PHF2: variants seen among roughly 807,000 people sequenced by gnomAD.
PHF2 encodes PHD finger protein 2.
Under a neutral mutation model 120.5 loss-of-function variants are expected in PHF2, and 27 were observed. That is an observed-to-expected ratio of 0.22 (90% CI 0.17 to 0.31). The LOEUF (loss-of-function observed/expected upper bound fraction) is 0.31. PHF2 is among the 10% of genes least tolerant of loss of function. The pLI, the probability that PHF2 is intolerant of heterozygous loss-of-function variation, is 1.00. For missense variants in PHF2, 1,024 were observed against 1,434.8 expected, an observed-to-expected ratio of 0.71 and a Z score of 4.63; for synonymous variants, 568 against 592.5, an observed-to-expected ratio of 0.96 and a Z score of 0.60.
chr9:93,616,512 C>T (rs2131633942), intron 1 of PHF2, among the ~76,000 whole-genome samples: 1 of 152,306 alleles, frequency 6.6e-6, no homozygotes, highest in African/African-American at 2.4e-5. Context: ...CTGACACCAA[C>T]TGAGCTCCGA....
At chr9:93,675,982 G>T (rs549666784) in intron 20 of PHF2, among the ~76,000 whole-genome samples, 193 bp downstream of exon 20, 6 of 152,206 alleles carry the variant, frequency 3.9e-5, no homozygotes, top group Admixed American at 3.9e-4. Flanking sequence ...TGTGGGGTCC[G>T]GGGGAGCTAG....
At position 93,576,878 on chromosome 9, in the gene PHF2, G is replaced by T; in HGVS notation, c.98+7G>T. 8.3e-7 allele frequency: 1 copy of T among 1,206,552 alleles called. No homozygotes were observed. The highest frequency in any genetic ancestry group is 1.1e-6 in the Non-Finnish European group (1 of 934,266). 74.7% of individuals were successfully genotyped at this position (1,206,552 alleles called of 1,614,324 possible). On this transcript the variant is annotated splice_region_variant and intron_variant, in intron 1 of 21. Transcript: ENST00000359246. ...AGGACTGGTTCCACGGCAGGTGAGCGCGCGGCGGCTGCTCGGCTCGGCCCG... is the reference window on the plus strand; with the variant it reads ...AGGACTGGTTCCACGGCAGGTGAGCTCGCGGCGGCTGCTCGGCTCGGCCCG...
At position 93,671,033 on chromosome 9, in the gene PHF2, A is replaced by G. The variant is rs1218023385; in HGVS notation, c.2349-2552A>G. On this transcript the variant is annotated intron_variant, in intron 17 of 21. Transcript: ENST00000359246. ...TGCAGGTCTATGTTCAGGTGGGTGC[A>G]GGTGTGGGGGTAGGTGCAGGTGTAG... The G allele has an allele frequency of 4.2e-6, 4 of 956,578 alleles. No homozygotes were observed. The East Asian group carries it at 4.0e-4, about 96-fold the overall frequency. 59.3% of individuals were successfully genotyped at this position (956,578 alleles called of 1,614,324 possible).
intron 1 of PHF2, among the ~76,000 whole-genome samples, chr9:93,591,829 C>G (rs964681500): frequency 1.3e-5 from 2 of 152,224 alleles, no homozygotes; most frequent in African/African-American, 2.4e-5. Flanking sequence ...CAGTGCCCCA[C>G]AGGGACCTCA....
At chr9:93,646,414 C>G (rs1826261405) in intron 4 of PHF2, among the ~76,000 whole-genome samples, 1 of 152,204 alleles carries the variant, frequency 6.6e-6, no homozygotes, top group Non-Finnish European at 1.5e-5. Context: ...GGCCACATGG[C>G]CAAGCATGGA....
intron 20 of PHF2, among the ~76,000 whole-genome samples, chr9:93,676,081 T>C (rs1223795044): frequency 6.6e-6 from 1 of 152,056 alleles, no homozygotes; most frequent in Non-Finnish European, 1.5e-5. Context: ...TGGAGGGAGC[T>C]CCCCTTCCCC....
At chr9:93,650,060 C>A (rs1826339219) in intron 5 of PHF2, among the ~76,000 whole-genome samples, 1 of 145,938 alleles carries the variant, frequency 6.9e-6, no homozygotes, top group South Asian at 2.2e-4. Context: ...CACCGACACT[C>A]ACCCATGGAC....
chr9:93,658,210 G>T lies in PHF2; in HGVS notation c.1213G>T (p.Ala405Ser). The T allele has an allele frequency of 1.2e-6, 2 of 1,612,878 alleles. No individual in the cohort carries two copies. The highest frequency in any genetic ancestry group is 1.7e-5 in the Admixed American group (1 of 59,926). The change falls in exon 10 of 22, where the codon GCT becomes TCT. Residue 405 changes from alanine (A) to serine (S), a missense_variant. This residue lies in a region of PHF2 where 347 missense variants were observed against 577.4 expected (regional missense o/e 0.60). Coordinates refer to ENST00000359246, the MANE Select transcript of PHF2 (RefSeq NM_005392.4). ...LVQGAKILNG[A>S]FRSWTKKQAL... ...CCAAGGAGCTAAAATTCTCAATGGT[G>T]CTTTCCGATCGTGGACGAAGAAGCA... is the stretch of plus-strand genomic sequence containing the variant.
At chr9:93,623,638 C>T (rs1190262701) in intron 1 of PHF2, among the ~76,000 whole-genome samples, 1 of 152,148 alleles carries the variant, frequency 6.6e-6, no homozygotes, top group East Asian at 1.9e-4. Flanking sequence ...TCCAATTTTT[C>T]TTTGTTTCAT....
intron 19 of PHF2, 53 bp from the exon 20 acceptor site, chr9:93,675,627 G>T: frequency 7.1e-7 from 1 of 1,407,662 alleles, no homozygotes; most frequent in Non-Finnish European, 1.0e-6. Flanking sequence ...AACCAGGAGG[G>T]GTGGACAGGC....
At chr9:93,653,511 C>G in intron 6 of PHF2, 146 bp downstream of exon 6, 1 of 752,518 alleles carries the variant, frequency 1.3e-6, no homozygotes, top group Non-Finnish European at 2.1e-6. Context: ...CAGGAGGCCT[C>G]TGGAGACATC....
intron 1 of PHF2, among the ~76,000 whole-genome samples, chr9:93,596,386 A>T (rs1438462542): frequency 6.6e-6 from 1 of 152,060 alleles, no homozygotes; most frequent in Non-Finnish European, 1.5e-5. Flanking sequence ...GGAATGAAGG[A>T]GTGCTTGAAT....
intron 19 of PHF2, among the ~76,000 whole-genome samples, chr9:93,675,439 ACT>A (rs1220337036): frequency 6.6e-6 from 1 of 151,934 alleles, no homozygotes; most frequent in Non-Finnish European, 1.5e-5. Context: ...GCCTGCCCAG[ACT>A]CTGATGTTGC....
chr9:93,660,699 T>A, intron 12 of PHF2, 139 bp downstream of exon 12: 1 of 777,864 alleles, frequency 1.3e-6, no homozygotes. Flanking sequence ...GGGTCTGGGC[T>A]CTTGCTGTGG....
intron 1 of PHF2, among the ~76,000 whole-genome samples, chr9:93,577,121 C>T (rs1354349683): frequency 6.7e-6 from 1 of 148,716 alleles, no homozygotes; most frequent in Non-Finnish European, 1.5e-5. Flanking sequence ...AAGCGAGGCC[C>T]GCGGGCCGGG....
Position 93,653,384 on chromosome 9 carries a change from G to A in PHF2, c.789+19G>A. The A allele has an allele frequency of 6.2e-7, 1 of 1,611,074 alleles. No homozygotes were observed. The highest frequency in any genetic ancestry group is 8.5e-7 in the Non-Finnish European group (1 of 1,178,804). On this transcript the variant is annotated intron_variant, in intron 6 of 21. Coordinates refer to ENST00000359246, the MANE Select transcript of PHF2 (RefSeq NM_005392.4). The stretch of plus-strand genomic sequence containing the variant: ...GCTCAAGGTGAGCCACGCCCCTCGG[G>A]GCACCTCTGCCTTGCCATGGCCATG...
intron 17 of PHF2, chr9:93,670,882 G>T: frequency 1.8e-6 from 1 of 562,464 alleles, no homozygotes; most frequent in Non-Finnish European, 2.2e-6. Flanking sequence ...GCCACCTGAA[G>T]CTGAGGGCAG....
At position 93,662,957 on chromosome 9, in the gene PHF2, G is replaced by C. The variant is rs766783691; in HGVS notation, c.1749G>C (p.Gln583His). The C allele has an allele frequency of 4.3e-6, 7 of 1,614,114 alleles. No individual in the cohort carries two copies. In the Admixed American group the frequency reaches 8.3e-5, roughly 19 times the overall value. Residue 583 changes from glutamine (Q) to histidine (H), a missense_variant, in exon 13 of 22, where the codon CAG (glutamine) becomes CAC (histidine). By Grantham distance (24) the Gln-to-His change is conservative (BLOSUM62 0). This residue lies in a region of PHF2 where 677 missense variants were observed against 857.4 expected (regional missense o/e 0.79). Transcript: ENST00000359246. The stretch of plus-strand genomic sequence containing the variant: ...CCAACAAAGATGTGGTTCACATGCA[G>C]AATGATGTGGAGAGGCTGGAAATTC... ...SVPNKDVVHM[Q>H]NDVERLEIRE...
chr9:93,599,698 C>T (rs564066156), intron 1 of PHF2, among the ~76,000 whole-genome samples: 40 of 152,332 alleles, frequency 2.6e-4, no homozygotes, highest in African/African-American at 8.4e-4. Context: ...CATGCCACCA[C>T]GAGGGCTGAT....
Sources: allele counts gnomAD v4.1 joint callset (sites outside exome capture counted in the v4.1 genomes callset), GRCh38; gene constraint gnomAD v4.1.1; regional missense constraint gnomAD v4.1.1; transcripts MANE v1.5; gene names NCBI Gene and HGNC (gene_info 2026-07-23, HGNC 2026-07-21).